EBF3: variants seen among roughly 807,000 people sequenced by gnomAD.
The protein encoded by EBF3 is EBF transcription factor 3, also known as transcription factor COE3.
In EBF3, 18 loss-of-function variants were observed where a neutral mutation model predicts 77.1. That is an observed-to-expected ratio of 0.23 (90% CI 0.16 to 0.35). The LOEUF is 0.35. Ranked by LOEUF, EBF3 falls within the 10% of genes least tolerant of loss-of-function variation. The pLI is 1.00. For synonymous variants in EBF3, 350 were observed against 343.5 expected (o/e 1.02, Z -0.21); for missense variants, 558 against 860.0 (o/e 0.65, Z 4.39).
At chr10:129,871,182 G>C (rs1852381146) in intron 8 of EBF3, among the ~76,000 whole-genome samples, 1 of 152,218 alleles carries the variant, frequency 6.6e-6, no homozygotes, top group East Asian at 1.9e-4. Context: ...TGCAGGCCGG[G>C]TGCTGGGCAG....
At chr10:129,881,326 T>C (rs909460422) in intron 6 of EBF3, among the ~76,000 whole-genome samples, 1 of 152,226 alleles carries the variant, frequency 6.6e-6, no homozygotes, top group African/African-American at 2.4e-5. Context: ...ATGACCATTA[T>C]GTGCACTAAT....
intron 6 of EBF3, among the ~76,000 whole-genome samples, chr10:129,912,106 C>A (rs150278329): frequency 2.2e-3 from 340 of 152,306 alleles, no homozygotes; most frequent in African/African-American, 7.6e-3. Context: ...TGCCCCACCA[C>A]CAAGTACAAA....
chr10:129,952,159 A>T lies in EBF3; in HGVS notation c.554+5099T>A, dbSNP rs180786787. On this transcript the variant is annotated intron_variant, in intron 6 of 16. Transcript: ENST00000440978. This position sits in a 1 kb window ranked among gnomAD's most constrained non-coding sequence, Gnocchi z 4.7. The stretch of plus-strand genomic sequence containing the variant: ...GACCCTGAACCAAAGAGCATCTCCA[A>T]TGCACAGCCTCCGCCAAGAGAGGAT... Among the ~76,000 whole-genome samples, 484 of 152,352 alleles carry T rather than the reference A, an allele frequency of 3.2e-3. No homozygotes were observed. The highest frequency in any genetic ancestry group is 0.01 in the Middle Eastern group (3 of 294).
At chr10:129,873,649 C>T in intron 7 of EBF3, 53 bp from the exon 8 acceptor site, 1 of 1,436,750 alleles carries the variant, frequency 7.0e-7, no homozygotes, top group Non-Finnish European at 9.2e-7. Flanking sequence ...AAGCAGAGCC[C>T]CCTGTTAGGC....
intron 6 of EBF3, among the ~76,000 whole-genome samples, chr10:129,921,252 G>A (rs913953772): frequency 6.6e-5 from 10 of 152,150 alleles, no homozygotes; most frequent in African/African-American, 1.9e-4. Context: ...CACGACTGAC[G>A]GCGGGGGTGG....
intron 6 of EBF3, among the ~76,000 whole-genome samples, chr10:129,920,484 G>A (rs975142964): frequency 9.2e-5 from 14 of 152,214 alleles, no homozygotes; most frequent in Non-Finnish European, 2.1e-4. Context: ...TACCTGGAGC[G>A]ACTCTGGGTT....
At chr10:129,894,982 A>G (rs1335850388) in intron 6 of EBF3, among the ~76,000 whole-genome samples, 1 of 152,186 alleles carries the variant, frequency 6.6e-6, no homozygotes, top group Admixed American at 6.5e-5. Flanking sequence ...CTTCTGGGGC[A>G]AGGCAGTGCT....
chr10:129,876,885 A>ACGCCCCCC (rs1852810848), intron 7 of EBF3, among the ~76,000 whole-genome samples: 1 of 42,368 alleles, frequency 2.4e-5, no homozygotes, highest in Admixed American at 3.9e-4. Flanking sequence ...TCATCCCTGA[A>ACGCCCCCC]CCCCCCCCCC....
At chr10:129,886,665 G>T (rs1442556745) in intron 6 of EBF3, among the ~76,000 whole-genome samples, 1 of 152,076 alleles carries the variant, frequency 6.6e-6, no homozygotes, top group Non-Finnish European at 1.5e-5. Context: ...TTTTCCCTGG[G>T]ATTTTTGCAG....
chr10:129,907,127 G>T (rs976435009), intron 6 of EBF3, among the ~76,000 whole-genome samples: 2 of 152,222 alleles, frequency 1.3e-5, no homozygotes, highest in African/African-American at 4.8e-5. Flanking sequence ...CAGAGAAGGG[G>T]GAAGCGGCTG....
At chr10:129,908,461 A>C (rs550232015) in intron 6 of EBF3, among the ~76,000 whole-genome samples, 1 of 152,332 alleles carries the variant, frequency 6.6e-6, no homozygotes, top group South Asian at 2.1e-4. Flanking sequence ...CGTCCTGGGC[A>C]ATGGTTATTG....
chr10:129,903,042 A>G (rs1314722799), intron 6 of EBF3, among the ~76,000 whole-genome samples: 1 of 152,256 alleles, frequency 6.6e-6, no homozygotes. Flanking sequence ...TACAAGACAC[A>G]GAAGCAACAC....
At chr10:129,927,598 G>C (rs1431799656) in intron 6 of EBF3, among the ~76,000 whole-genome samples, 9 of 152,198 alleles carry the variant, frequency 5.9e-5, no homozygotes, top group Non-Finnish European at 7.3e-5. Flanking sequence ...GGGCAGCCAT[G>C]CCTCCTATGC....
chr10:129,910,212 G>A (rs1372742747), intron 6 of EBF3, among the ~76,000 whole-genome samples: 2 of 152,182 alleles, frequency 1.3e-5, no homozygotes, highest in African/African-American at 2.4e-5. Context: ...GAAGGGAATC[G>A]GAGCCTTCAA....
At chr10:129,850,057 C>G (rs1173224099) in intron 10 of EBF3, among the ~76,000 whole-genome samples, 1 of 152,258 alleles carries the variant, frequency 6.6e-6, no homozygotes, top group Non-Finnish European at 1.5e-5. Flanking sequence ...AGTCGCCCAG[C>G]CTCACCAAGC....
chr10:129,903,428 C>G (rs2134253584), intron 6 of EBF3, among the ~76,000 whole-genome samples: 1 of 152,340 alleles, frequency 6.6e-6, no homozygotes, highest in East Asian at 1.9e-4. Context: ...ACCCATGTAG[C>G]ATTCCATAAG....
At position 129,927,126 on chromosome 10, in the gene EBF3, T is replaced by G. The variant is rs118156780; in HGVS notation, c.554+30132A>C. 2.0e-3 allele frequency among the ~76,000 whole-genome samples: 308 copies of G among 152,284 alleles called. 7 individuals are homozygous for G. In the East Asian group the frequency reaches 0.051, roughly 25 times the overall value. ...ACTGCCAGTCCATTCAGTTGCTTAT[T>G]GCCTGAGAAGCGACACAACCGACCA... On this transcript the variant is annotated intron_variant, in intron 6 of 16. Coordinates refer to ENST00000440978, the MANE Select transcript of EBF3 (RefSeq NM_001375380.1).
In EBF3 at chr10:129,952,799, AAATAT is replaced by A. The variant is rs1297090118; in HGVS notation, c.554+4454_554+4458del. On this transcript the variant is annotated intron_variant, in intron 6 of 16. Transcript: ENST00000440978. The surrounding 1 kb of genome is among the most constrained non-coding windows in gnomAD (Gnocchi z 4.7). ...ATCGTTTGGAAATATAGCTAATAAA[AAATAT>A]AATGAGTGTTCAGCAAAATCGGCAT... Among the ~76,000 whole-genome samples, 1 of 152,190 alleles carries A rather than the reference AAATAT, an allele frequency of 6.6e-6. No individual in the cohort carries two copies. The highest frequency in any genetic ancestry group is 1.5e-5 in the Non-Finnish European group (1 of 68,042).
At chr10:129,866,809 C>T (rs1332879839) in intron 10 of EBF3, among the ~76,000 whole-genome samples, 2 of 152,228 alleles carry the variant, frequency 1.3e-5, no homozygotes, top group African/African-American at 4.8e-5. Context: ...TGGAGCCAGG[C>T]ATGTGGGCAG....
Sources: allele counts gnomAD v4.1 joint callset (sites outside exome capture counted in the v4.1 genomes callset), GRCh38; gene constraint gnomAD v4.1.1; non-coding constraint Gnocchi (gnomAD v3.1); transcripts MANE v1.5; gene names NCBI Gene and HGNC (gene_info 2026-07-23, HGNC 2026-07-21).